ESCO1: variants seen among roughly 807,000 people sequenced by gnomAD.
ESCO1 encodes establishment of sister chromatid cohesion N-acetyltransferase 1.
In ESCO1, 33 loss-of-function variants were observed where a neutral mutation model predicts 83.5. The observed-to-expected ratio is 0.40, with a 90% CI of 0.30 to 0.53. ESCO1 has a LOEUF of 0.53. Ranked by LOEUF, ESCO1 falls within the 20% of genes least tolerant of loss-of-function variation. ESCO1 has a pLI of 0.63. For missense variants in ESCO1, 855 were observed against 968.0 expected, an observed-to-expected ratio of 0.88 and a Z score of 1.55; for synonymous variants, 332 against 324.3, an observed-to-expected ratio of 1.02 and a Z score of -0.25.
chr18:21,589,311 T>G (rs1012753950), intron 1 of ESCO1, among the ~76,000 whole-genome samples: 16 of 152,102 alleles, frequency 1.1e-4, no homozygotes, highest in Non-Finnish European at 2.4e-4. Flanking sequence ...ATGTAGCCAC[T>G]TTCCCCCTCC....
At chr18:21,556,999 T>C (rs1451577850) in intron 8 of ESCO1, among the ~76,000 whole-genome samples, 1 of 152,118 alleles carries the variant, frequency 6.6e-6, no homozygotes, top group Non-Finnish European at 1.5e-5. Flanking sequence ...TGACCGGTAT[T>C]GTCGACTCTT....
chr18:21,564,313 T>C lies in ESCO1; in HGVS notation c.1711A>G (p.Thr571Ala). The C allele has an allele frequency of 6.3e-7, 1 of 1,595,088 alleles. No individual in the cohort carries two copies. The change falls in exon 7 of 12, where the codon ACA (threonine) becomes GCA (alanine). Residue 571 changes from threonine to alanine, a missense_variant. Thr to Ala is a moderately conservative substitution (Grantham distance 58). Around this residue, in one of 2 missense-constraint regions of ESCO1, gnomAD observed 726 missense variants for 699.5 expected, o/e 1.04. Transcript: ENST00000269214. Reference protein sequence around the residue: ...QTSKSSDNRETPRNHSLPKCN... With the variant: ...QTSKSSDNREAPRNHSLPKCN... ...TTAGGCAAAGAATGATTTCGTGGTG[T>C]CTCCCTTAAAAAAAATAAAATTACT...
chr18:21,573,332 A>T lies in ESCO1; in HGVS notation c.1512T>A (p.Phe504Leu). 4 of 1,575,622 alleles carry T rather than the reference A, an allele frequency of 2.5e-6. No homozygotes were observed. The highest frequency in any genetic ancestry group is 3.4e-6 in the Non-Finnish European group (4 of 1,168,982). Residue 504 changes from phenylalanine (F) to leucine (L), a missense_variant, in exon 4 of 12, where the codon TTT (phenylalanine) becomes TTA (leucine). Physicochemically the swap from Phe to Leu is conservative, Grantham distance 22. Transcript: ENST00000269214. ...AGATTACCTTATTTGATGCTGAATCAAAAGAATGTTTCATCTGATTATCCA... is the reference window on the plus strand; with the variant it reads ...AGATTACCTTATTTGATGCTGAATCTAAAGAATGTTTCATCTGATTATCCA... ...PPLDNQMKHS[F>L]DSASNKNFSQ...
At chr18:21,546,777 G>A (rs1319524145) in intron 8 of ESCO1, among the ~76,000 whole-genome samples, 1 of 152,098 alleles carries the variant, frequency 6.6e-6, no homozygotes, top group African/African-American at 2.4e-5. Flanking sequence ...AAACTCCTGA[G>A]CTCAAGTGAT....
chr18:21,569,399 C>T (rs2038308900), intron 4 of ESCO1, among the ~76,000 whole-genome samples: 1 of 151,688 alleles, frequency 6.6e-6, no homozygotes, highest in African/African-American at 2.4e-5. Context: ...GGGATCAAGA[C>T]CATCCTGGCC....
rs1192534759 is a variant in ESCO1 at position 21,579,794 on chromosome 18, G to GCGCGCA, written c.-693-4018_-693-4017insTGCGCG. On this transcript the variant is annotated intron_variant, in intron 2 of 11. Coordinates refer to ENST00000269214, the MANE Select transcript of ESCO1 (RefSeq NM_052911.3). ...CTGACACACACACACACGCGCGCGC[G>GCGCGCA]CACACACACACACACACACACACAC... Among the ~76,000 whole-genome samples the GCGCGCA allele has an allele frequency of 4.3e-3, 159 of 37,158 alleles. 1 individual carries two copies. Among genetic ancestry groups the GCGCGCA allele is most frequent in the African/African-American group, 8.5e-3 (149 of 17,432 alleles). The allele number at this position is 37,158 out of a possible 152,430, so 24.4% of individuals were successfully genotyped here.
At chr18:21,593,671 C>T (rs2038719250) in intron 1 of ESCO1, among the ~76,000 whole-genome samples, 1 of 143,414 alleles carries the variant, frequency 7.0e-6, no homozygotes, top group Non-Finnish European at 1.6e-5. Context: ...TTTACCAATT[C>T]TTAATGCATT....
chr18:21,535,753 T>C (rs1320641141), intron 10 of ESCO1, among the ~76,000 whole-genome samples: 1 of 152,244 alleles, frequency 6.6e-6, no homozygotes, highest in Non-Finnish European at 1.5e-5. Context: ...CCTGACTTCA[T>C]GATCCACCCA....
At chr18:21,542,512 AC>A (rs2037919192) in intron 8 of ESCO1, among the ~76,000 whole-genome samples, 1 of 152,112 alleles carries the variant, frequency 6.6e-6, no homozygotes, top group African/African-American at 2.4e-5. Context: ...GGCTATCATC[AC>A]CTCCATCACT....
chr18:21,550,626 C>T (rs547258702), intron 8 of ESCO1, among the ~76,000 whole-genome samples: 19 of 152,300 alleles, frequency 1.2e-4, no homozygotes, highest in Middle Eastern at 3.4e-3. Flanking sequence ...ATCGGTATTG[C>T]TTATGACTTT....
At chr18:21,571,377 TG>T in intron 4 of ESCO1, among the ~76,000 whole-genome samples, 1 of 151,876 alleles carries the variant, frequency 6.6e-6, no homozygotes, top group Non-Finnish European at 1.5e-5. Context: ...TTAGAAGAGA[TG>T]GGGTTTCACC....
chr18:21,573,354 T>C lies in ESCO1; in HGVS notation c.1490A>G (p.Asp497Gly), dbSNP rs2038366165. 3.8e-6 allele frequency: 6 copies of C among 1,591,044 alleles called. No homozygotes were observed. In the Admixed American group the frequency reaches 9.5e-5, roughly 25 times the overall value. The change falls in exon 4 of 12, where the codon GAT becomes GGT. Residue 497 changes from aspartate to glycine, a missense_variant. Coordinates refer to ENST00000269214, the MANE Select transcript of ESCO1 (RefSeq NM_052911.3). ...NEIKPSDPPLDNQMKHSFDSA... is the reference protein window; with the variant it reads ...NEIKPSDPPLGNQMKHSFDSA... ...ATCAAAAGAATGTTTCATCTGATTA[T>C]CCAATGGTGGGTCAGAAGGTTTTAT...
intron 8 of ESCO1, among the ~76,000 whole-genome samples, chr18:21,540,340 C>T (rs1188280440): frequency 6.6e-6 from 1 of 152,106 alleles, no homozygotes; most frequent in Non-Finnish European, 1.5e-5. Flanking sequence ...CAGTAATTCC[C>T]AGAAACTATA....
chr18:21,589,157 T>C (rs1290630771), intron 1 of ESCO1, among the ~76,000 whole-genome samples: 2 of 151,594 alleles, frequency 1.3e-5, no homozygotes, highest in East Asian at 3.9e-4. Flanking sequence ...GAGAATCATT[T>C]GAACCTGGGA....
At chr18:21,531,599 G>T (rs1279490554) in intron 11 of ESCO1, among the ~76,000 whole-genome samples, 1 of 151,842 alleles carries the variant, frequency 6.6e-6, no homozygotes, top group Admixed American at 6.6e-5. Context: ...GTGGTGAACT[G>T]CTTGAGCCCA....
At chr18:21,573,180 G>A (rs1215936664) in intron 4 of ESCO1, 134 bp downstream of exon 4, 6 of 822,458 alleles carry the variant, frequency 7.3e-6, no homozygotes, top group Non-Finnish European at 5.3e-6. Flanking sequence ...TAAAACTCTC[G>A]CTAACAACTT....
At chr18:21,539,578 G>A (rs962147953) in intron 9 of ESCO1, among the ~76,000 whole-genome samples, 6 of 152,146 alleles carry the variant, frequency 3.9e-5, no homozygotes, top group Admixed American at 1.3e-4. Flanking sequence ...TGGGCCAGGC[G>A]CAGTGGTTCA....
chr18:21,591,092 G>A (rs1018286779), intron 1 of ESCO1, among the ~76,000 whole-genome samples: 1 of 152,106 alleles, frequency 6.6e-6, no homozygotes, highest in Non-Finnish European at 1.5e-5. Flanking sequence ...TCTTATTTGG[G>A]GAAAAAAGGT....
At chr18:21,573,273 A>C in intron 4 of ESCO1, 41 bp downstream of exon 4, 1 of 1,480,012 alleles carries the variant, frequency 6.8e-7, no homozygotes, top group African/African-American at 1.4e-5. Flanking sequence ...CTTACAGAAA[A>C]TATTTCGGCA....
Sources: gnomAD v4.1 joint callset for allele counts (sites outside exome capture counted in the v4.1 genomes callset) on GRCh38, gnomAD v4.1.1 for gene constraint, gnomAD v4.1.1 regional missense constraint, MANE v1.5 for transcripts, NCBI Gene and HGNC (gene_info 2026-07-23, HGNC 2026-07-21) for gene names.